The following SNX6 variants were observed in gnomAD, a reference collection of about 807,000 sequenced individuals.
The protein encoded by SNX6 is sorting nexin-6.
SNX6 carries 34 observed loss-of-function variants against 63.0 expected under a neutral mutation model. That is an observed-to-expected ratio of 0.54 (90% CI 0.41 to 0.72). SNX6 has a LOEUF of 0.72. Ranked by LOEUF, SNX6 falls within the 30% of genes least tolerant of loss-of-function variation. SNX6 has a pLI of 0.00. For synonymous variants in SNX6, 170 were observed against 164.2 expected (o/e 1.04, Z -0.27); for missense variants, 398 against 471.4 (o/e 0.84, Z 1.44).
At chr14:34,599,299 A>G (rs184086516) in intron 6 of SNX6, among the ~76,000 whole-genome samples, 34 of 152,284 alleles carry the variant, frequency 2.2e-4, no homozygotes, top group African/African-American at 7.7e-4. Context: ...AGTCTAACAC[A>G]GTGCTCATTA....
At chr14:34,607,861 C>T (rs1186514295) in intron 4 of SNX6, among the ~76,000 whole-genome samples, 169 bp downstream of exon 4, 1 of 152,044 alleles carries the variant, frequency 6.6e-6, no homozygotes, top group East Asian at 1.9e-4. Flanking sequence ...TGAGCCGAGA[C>T]TGCGTCACTA....
At chr14:34,622,802 C>G (rs1566494877) in intron 2 of SNX6, among the ~76,000 whole-genome samples, 1 of 152,156 alleles carries the variant, frequency 6.6e-6, no homozygotes, top group Non-Finnish European at 1.5e-5. Context: ...TATTTGACCA[C>G]AGCTCCTACC....
chr14:34,573,301 G>A (rs541771793), intron 11 of SNX6, among the ~76,000 whole-genome samples: 71 of 152,224 alleles, frequency 4.7e-4, no homozygotes, highest in Non-Finnish European at 8.5e-4. Context: ...GAGGCCAGGC[G>A]GGATGGTTCA....
In SNX6 at chr14:34,565,097, A is replaced by C. The variant is rs113162863; in HGVS notation, c.1168-1922T>G. ...CATGACTTTTTTTTTTTTTTTTTGG[A>C]GAAGGAGTCTTGCTCTGTCACCCAG... On this transcript the variant is annotated intron_variant, in intron 13 of 13. Transcript: ENST00000362031. Among the ~76,000 whole-genome samples, 398 of 133,720 alleles carry C rather than the reference A, an allele frequency of 3.0e-3. 1 individual carries two copies. The highest frequency in any genetic ancestry group is 0.011 in the African/African-American group (382 of 34,850). The allele number at this position is 133,720 out of a possible 152,430, so 87.7% of individuals were successfully genotyped here.
chr14:34,618,334 T>C (rs940196851), intron 2 of SNX6, among the ~76,000 whole-genome samples: 33 of 149,224 alleles, frequency 2.2e-4, no homozygotes, highest in African/African-American at 8.2e-4. Flanking sequence ...TGGCTCACTA[T>C]AGTCCTGCCA....
chr14:34,568,557 A>G (rs1881295213), intron 11 of SNX6: 1 of 546,028 alleles, frequency 1.8e-6, no homozygotes, highest in African/African-American at 1.9e-5. Flanking sequence ...GCAGGTCTCA[A>G]ACTCCTGGCC....
At chr14:34,602,690 C>T (rs545470992) in intron 6 of SNX6, among the ~76,000 whole-genome samples, 5 of 151,618 alleles carry the variant, frequency 3.3e-5, no homozygotes, top group Non-Finnish European at 7.4e-5. Context: ...AAAAAGAGAA[C>T]TTGGGGCCGG....
chr14:34,626,731 A>T (rs1318674507), intron 2 of SNX6, among the ~76,000 whole-genome samples: 2 of 152,080 alleles, frequency 1.3e-5, no homozygotes, highest in African/African-American at 4.8e-5. Flanking sequence ...TCATGAGCAA[A>T]TCTTTCTGAA....
intron 2 of SNX6, among the ~76,000 whole-genome samples, chr14:34,619,070 G>A (rs1398428861): frequency 3.3e-5 from 5 of 151,998 alleles, no homozygotes; most frequent in African/African-American, 1.2e-4. Flanking sequence ...ACCACAACTG[G>A]GCTACAAAAC....
intron 7 of SNX6, among the ~76,000 whole-genome samples, chr14:34,593,705 G>A (rs1882490950): frequency 6.6e-6 from 1 of 151,428 alleles, no homozygotes; most frequent in Non-Finnish European, 1.5e-5. Context: ...CTGAGTAGCT[G>A]AGACTACAGG....
chr14:34,582,130 A>AT (rs1289997311), intron 9 of SNX6, among the ~76,000 whole-genome samples: 27,564 of 115,406 alleles, frequency 0.24, 3,699 homozygotes, highest in African/African-American at 0.33. Context: ...CCCGGCCCTG[A>AT]TTTTTTTTTT....
At chr14:34,573,852 AG>A (rs1357095207) in intron 11 of SNX6, among the ~76,000 whole-genome samples, 3 of 151,540 alleles carry the variant, frequency 2.0e-5, no homozygotes, top group African/African-American at 7.3e-5. Flanking sequence ...TATGTTGGCC[AG>A]GCTGCTCTCG....
intron 2 of SNX6, among the ~76,000 whole-genome samples, chr14:34,614,170 T>C (rs1312962262): frequency 1.3e-5 from 2 of 151,858 alleles, no homozygotes; most frequent in African/African-American, 2.4e-5. Flanking sequence ...CTCACACCTA[T>C]AATATTAACA....
chr14:34,608,791 G>A (rs1883114775), intron 3 of SNX6, among the ~76,000 whole-genome samples: 2 of 152,134 alleles, frequency 1.3e-5, no homozygotes, highest in South Asian at 4.1e-4. Context: ...ACTTTGGAAG[G>A]CCGAGGTGGG....
intron 6 of SNX6, among the ~76,000 whole-genome samples, chr14:34,598,393 G>T (rs1221681665): frequency 1.3e-5 from 2 of 152,072 alleles, no homozygotes; most frequent in Non-Finnish European, 2.9e-5. Context: ...TTCACAGGAT[G>T]AAAAAAATTT....
intron 6 of SNX6, among the ~76,000 whole-genome samples, chr14:34,602,081 G>A (rs930729567): frequency 2.0e-5 from 3 of 151,672 alleles, no homozygotes; most frequent in Non-Finnish European, 2.9e-5. Flanking sequence ...CCTGAGGTCA[G>A]GAGTTCGAGA....
chr14:34,610,792 T>A (rs1883198533), intron 2 of SNX6, among the ~76,000 whole-genome samples: 1 of 152,108 alleles, frequency 6.6e-6, no homozygotes, highest in Admixed American at 6.6e-5. Context: ...GTCAAAACAC[T>A]CAAAGTCTTA....
intron 8 of SNX6, among the ~76,000 whole-genome samples, chr14:34,587,904 G>T (rs1224756095): frequency 6.7e-6 from 1 of 149,248 alleles, no homozygotes. Flanking sequence ...TCCACCACCC[G>T]GGTTCAAGTG....
chr14:34,581,678 AACCATATTAATAAC>A, intron 9 of SNX6, 78 bp from the exon 10 acceptor site: 1 of 832,284 alleles, frequency 1.2e-6, no homozygotes, highest in African/African-American at 1.7e-5. Context: ...TATGCTCCCA[AACCATATTAATAAC>A]ACCTTGTCTC....
Sources: gnomAD v4.1 joint callset for allele counts (sites outside exome capture counted in the v4.1 genomes callset) on GRCh38, gnomAD v4.1.1 for gene constraint, MANE v1.5 for transcripts, NCBI Gene and HGNC (gene_info 2026-07-23, HGNC 2026-07-21) for gene names.